Variants in NKAIN2 observed in about 807,000 individuals in gnomAD.
The protein encoded by NKAIN2 is sodium/potassium-transporting ATPase subunit beta-1-interacting protein 2.
NKAIN2 carries 14 observed loss-of-function variants against 32.6 expected under a neutral mutation model. That is an observed-to-expected ratio of 0.43 (90% CI 0.28 to 0.67). NKAIN2 has a LOEUF of 0.67. Among genes scored for constraint, NKAIN2 ranks in the 30% least tolerant of loss-of-function variants. NKAIN2 has a pLI of 0.17. For synonymous variants in NKAIN2, 80 were observed against 87.2 expected, an observed-to-expected ratio of 0.92 and a Z score of 0.46; for missense variants, 198 against 258.3, an observed-to-expected ratio of 0.77 and a Z score of 1.60.
At chr6:124,804,996 C>T (rs1039710957) in intron 5 of NKAIN2, among the ~76,000 whole-genome samples, 2 of 152,182 alleles carry the variant, frequency 1.3e-5, no homozygotes, top group African/African-American at 2.4e-5. Context: ...CCGGGAAGCT[C>T]GAACTGGGTG....
intron 3 of NKAIN2, among the ~76,000 whole-genome samples, chr6:124,424,702 G>A (rs1390463679): frequency 6.8e-6 from 1 of 147,306 alleles, no homozygotes; most frequent in Non-Finnish European, 1.5e-5. Flanking sequence ...ATTTTACTTA[G>A]CATAATGACC....
intron 1 of NKAIN2, among the ~76,000 whole-genome samples, chr6:124,052,466 A>G (rs185580624): frequency 3.3e-5 from 5 of 152,200 alleles, no homozygotes; most frequent in Admixed American, 3.3e-4. Context: ...AATTTACAAG[A>G]AAGTCTTCTT....
At chr6:124,516,956 A>AT (rs1459078063) in intron 3 of NKAIN2, among the ~76,000 whole-genome samples, 1 of 152,176 alleles carries the variant, frequency 6.6e-6, no homozygotes, top group Admixed American at 6.5e-5. Flanking sequence ...TAAATGTGTA[A>AT]TGAGTCTGTT....
chr6:123,866,889 C>A (rs1414379168), intron 1 of NKAIN2, among the ~76,000 whole-genome samples: 1 of 152,182 alleles, frequency 6.6e-6, no homozygotes, highest in Non-Finnish European at 1.5e-5. Context: ...ACCCCATAAA[C>A]TTGGTATTTT....
At chr6:124,112,063 C>T (rs1785411375) in intron 1 of NKAIN2, among the ~76,000 whole-genome samples, 2 of 151,848 alleles carry the variant, frequency 1.3e-5, no homozygotes, top group Non-Finnish European at 2.9e-5. Context: ...TTTCTTTTAA[C>T]TTTTATGCTA....
chr6:124,795,460 C>T (rs528177635), intron 5 of NKAIN2, among the ~76,000 whole-genome samples: 5 of 152,266 alleles, frequency 3.3e-5, no homozygotes, highest in South Asian at 4.1e-4. Context: ...GAGAGTTAGG[C>T]TCATGAACAT....
chr6:123,977,148 T>G (rs1369843213), intron 1 of NKAIN2, among the ~76,000 whole-genome samples: 1 of 152,200 alleles, frequency 6.6e-6, no homozygotes, highest in Non-Finnish European at 1.5e-5. Context: ...AATTTTCTTT[T>G]AATTTTTTGT....
intron 4 of NKAIN2, among the ~76,000 whole-genome samples, chr6:124,678,833 T>C (rs1479785450): frequency 1.3e-5 from 2 of 152,222 alleles, no homozygotes; most frequent in Non-Finnish European, 2.9e-5. Flanking sequence ...AAAACTGGCT[T>C]TGTACAGGGA....
intron 3 of NKAIN2, among the ~76,000 whole-genome samples, chr6:124,609,611 T>C (rs1782618282): frequency 6.6e-6 from 1 of 152,086 alleles, no homozygotes; most frequent in Non-Finnish European, 1.5e-5. Flanking sequence ...GTCCTCCACC[T>C]GCCTCTCACC....
At chr6:124,342,110 A>C (rs1035033127) in intron 2 of NKAIN2, among the ~76,000 whole-genome samples, 1 of 152,142 alleles carries the variant, frequency 6.6e-6, no homozygotes, top group African/African-American at 2.4e-5. Flanking sequence ...TATATCTATT[A>C]AAACACCTTG....
intron 4 of NKAIN2, among the ~76,000 whole-genome samples, chr6:124,745,002 A>C (rs1777384407): frequency 6.6e-6 from 1 of 151,820 alleles, no homozygotes; most frequent in African/African-American, 2.4e-5. Flanking sequence ...AAGCCCATAA[A>C]ACGCCAGCCA....
At chr6:124,659,657 T>G (rs1369672318) in intron 4 of NKAIN2, among the ~76,000 whole-genome samples, 2 of 152,074 alleles carry the variant, frequency 1.3e-5, no homozygotes, top group Admixed American at 6.5e-5. Flanking sequence ...CAAGGCTAGT[T>G]GAGTAGCCAG....
intron 1 of NKAIN2, among the ~76,000 whole-genome samples, chr6:124,023,325 C>T (rs1780957847): frequency 6.6e-6 from 1 of 151,854 alleles, no homozygotes; most frequent in African/African-American, 2.4e-5. Flanking sequence ...GATTTCCTTC[C>T]TCTCTTATCT....
At chr6:124,554,991 C>T (rs1780421015) in intron 3 of NKAIN2, among the ~76,000 whole-genome samples, 1 of 151,354 alleles carries the variant, frequency 6.6e-6, no homozygotes, top group African/African-American at 2.5e-5. Flanking sequence ...TGGCCATCAT[C>T]TCTTGTTTCC....
chr6:124,703,581 C>A (rs2114576175), intron 4 of NKAIN2, among the ~76,000 whole-genome samples: 1 of 152,018 alleles, frequency 6.6e-6, no homozygotes, highest in Admixed American at 6.6e-5. Context: ...AAAAAAGATA[C>A]CCAGAAGATT....
At chr6:124,680,188 C>A (rs1289085152) in intron 4 of NKAIN2, among the ~76,000 whole-genome samples, 2 of 152,004 alleles carry the variant, frequency 1.3e-5, no homozygotes, top group African/African-American at 4.8e-5. Flanking sequence ...AATATGGGAC[C>A]TTAAGAAAGA....
chr6:124,137,135 G>C (rs557451427), intron 1 of NKAIN2, among the ~76,000 whole-genome samples: 2 of 152,048 alleles, frequency 1.3e-5, no homozygotes, highest in Non-Finnish European at 2.9e-5. Context: ...AAGGCTTCTA[G>C]ATCTGATAAG....
intron 3 of NKAIN2, among the ~76,000 whole-genome samples, chr6:124,514,765 GAAAAAAA>G (rs546177544): frequency 9.1e-6 from 1 of 110,340 alleles, no homozygotes; most frequent in Non-Finnish European, 2.0e-5. Context: ...CTTGGGTATT[GAAAAAAA>G]AAAAAAAAAG....
chr6:124,021,966 A>G (rs1028508673), intron 1 of NKAIN2, among the ~76,000 whole-genome samples: 3 of 152,166 alleles, frequency 2.0e-5, no homozygotes, highest in South Asian at 2.1e-4. Context: ...ACATATGTAT[A>G]CATGTGCTAT....
Sources: allele counts gnomAD v4.1 joint callset (sites outside exome capture counted in the v4.1 genomes callset), GRCh38; gene constraint gnomAD v4.1.1; transcripts MANE v1.5; gene names NCBI Gene and HGNC (gene_info 2026-07-23, HGNC 2026-07-21).